Variants in CFAP69 observed in about 807,000 individuals in gnomAD.
CFAP69 encodes the protein cilia and flagella associated protein 69.
In CFAP69, 92 loss-of-function variants were observed where a neutral mutation model predicts 123.0. The ratio of observed to expected loss-of-function variants is 0.75; its 90% CI spans 0.63 to 0.89. The LOEUF is 0.89. Ranked by LOEUF, CFAP69 falls within the 40% of genes least tolerant of loss-of-function variation. The pLI is 0.00. For missense variants in CFAP69, 1,067 were observed against 1,096.9 expected (o/e 0.97, Z 0.39); for synonymous variants, 380 against 364.3 (o/e 1.04, Z -0.49).
At chr7:90,259,400 C>A (rs1798026267) in intron 3 of CFAP69, among the ~76,000 whole-genome samples, 1 of 152,174 alleles carries the variant, frequency 6.6e-6, no homozygotes, top group Admixed American at 6.5e-5. Context: ...CTGAGTGAGA[C>A]CCTGTCTCAA....
chr7:90,260,499 C>T (rs1798176145), intron 3 of CFAP69, among the ~76,000 whole-genome samples: 1 of 152,012 alleles, frequency 6.6e-6, no homozygotes, highest in East Asian at 1.9e-4. Flanking sequence ...GTACTCCAAC[C>T]TGGGTATGGG....
At chr7:90,251,512 T>C (rs1796999522) in intron 1 of CFAP69, among the ~76,000 whole-genome samples, 1 of 152,208 alleles carries the variant, frequency 6.6e-6, no homozygotes, top group Non-Finnish European at 1.5e-5. Context: ...TCACATATAG[T>C]CTGACCAGTT....
intron 1 of CFAP69, 133 bp from the exon 2 acceptor site, chr7:90,255,290 C>T (rs1273833982): frequency 1.7e-6 from 1 of 584,490 alleles, no homozygotes; most frequent in Non-Finnish European, 3.0e-6. Flanking sequence ...ACTGTTCATT[C>T]TCCCCTTACT....
chr7:90,245,202 G>A lies in CFAP69; in HGVS notation c.-223G>A. Reference sequence around the variant, plus strand: ...AACGCGCTGGCTTGTGTTAACAACCGGCCCGGGATCAGAGGTCTGGGTCAA... The same window carrying A: ...AACGCGCTGGCTTGTGTTAACAACCAGCCCGGGATCAGAGGTCTGGGTCAA... On this transcript the variant is annotated 5_prime_UTR_variant, in exon 1 of 23. Transcript: ENST00000389297. 1 of 470,688 alleles carries A rather than the reference G, an allele frequency of 2.1e-6. No individual in the cohort carries two copies. The highest frequency in any genetic ancestry group is 3.5e-6 in the Non-Finnish European group (1 of 287,378). The allele number at this position is 470,688 out of a possible 1,614,324, so 29.2% of individuals were successfully genotyped here. A position where few individuals can be genotyped will look rare whatever the true frequency, so the allele number is the denominator to read the frequency against.
intron 20 of CFAP69, 117 bp from the exon 21 acceptor site, chr7:90,307,651 C>T: frequency 1.7e-6 from 1 of 573,006 alleles, no homozygotes; most frequent in South Asian, 2.5e-5. Flanking sequence ...TTTTAAAAGG[C>T]AGAGAGATAC....
intron 2 of CFAP69, among the ~76,000 whole-genome samples, chr7:90,257,509 C>T (rs1366690626): frequency 1.3e-5 from 2 of 152,114 alleles, no homozygotes; most frequent in Non-Finnish European, 2.9e-5. Context: ...TTTAGTCACC[C>T]TACTTTGCTA....
Position 90,310,139 on chromosome 7 carries a change from G to C in CFAP69, c.2727G>C (p.Thr909=). 6.2e-7 allele frequency: 1 copy of C among 1,613,882 alleles called. No homozygotes were observed. Among genetic ancestry groups the C allele is most frequent in the Non-Finnish European group, 8.5e-7 (1 of 1,179,862 alleles). Reference sequence around the variant, plus strand: ...TAGTAGGAGGACCTCTGGTTGATACGGATATTGCTCTTAAAAAACTGCCCA... The same window carrying C: ...TAGTAGGAGGACCTCTGGTTGATACCGATATTGCTCTTAAAAAACTGCCCA... The part of the protein sequence containing the change: ...ARLVGGPLVD[T]DIALKKLPIR... Residue 909 remains threonine, a synonymous_variant, in exon 23 of 23, where the codon ACG becomes ACC. Transcript: ENST00000389297.
At chr7:90,316,613 A>G in the CFAP69 span, 1 of 152,218 alleles carries the variant, frequency 6.6e-6, no homozygotes, top group East Asian at 1.9e-4. Context: ...AATGATGAAC[A>G]GAAAGAAAAA....
At chr7:90,268,890 G>A (rs1445968164) in intron 6 of CFAP69, 1 of 152,660 alleles carries the variant, frequency 6.6e-6, no homozygotes, top group Non-Finnish European at 1.5e-5. Context: ...AGGATATAAT[G>A]TTAAGATGTA....
Position 90,283,054 on chromosome 7 carries a change from T to C in CFAP69, c.1535T>C (p.Ile512Thr), listed in dbSNP as rs773317521. Residue 512 changes from isoleucine (I) to threonine (T), a missense_variant and splice_region_variant, in exon 13 of 23, where the codon ATA becomes ACA. Coordinates refer to ENST00000389297, the MANE Select transcript of CFAP69 (RefSeq NM_001039706.3). The stretch of plus-strand genomic sequence containing the variant: ...GAAAAGGGAACAATTCAGCAAATGA[T>C]AGGTAAAATATAACATGGTGGTTTA... ...LCEKGTIQQM[I>T]GIFKNIISKP... The C allele has an allele frequency of 1.1e-5, 17 of 1,543,974 alleles. 2 individuals are homozygous for C. In the South Asian group the frequency reaches 1.9e-4, roughly 18 times the overall value.
intron 13 of CFAP69, among the ~76,000 whole-genome samples, chr7:90,285,830 A>G (rs1456882839): frequency 6.6e-6 from 1 of 152,208 alleles, no homozygotes; most frequent in Non-Finnish European, 1.5e-5. Context: ...GGCATCCTTT[A>G]ATGACATACT....
intron 19 of CFAP69, among the ~76,000 whole-genome samples, 188 bp downstream of exon 19, chr7:90,305,008 G>A (rs566434509): frequency 2.0e-5 from 3 of 152,164 alleles, no homozygotes; most frequent in South Asian, 4.1e-4. Context: ...TTTTTCATGG[G>A]ATAAGATTTC....
At chr7:90,267,962 G>T (rs942428728) in intron 5 of CFAP69, among the ~76,000 whole-genome samples, 8 of 152,224 alleles carry the variant, frequency 5.3e-5, no homozygotes, top group African/African-American at 1.9e-4. Flanking sequence ...AGTTTACATG[G>T]GTAGTAAATG....
intron 6 of CFAP69, 51 bp from the exon 7 acceptor site, chr7:90,271,475 A>T (rs1374036278): frequency 3.3e-6 from 5 of 1,523,446 alleles, no homozygotes; most frequent in Non-Finnish European, 4.4e-6. Flanking sequence ...TTTTGTCTTA[A>T]TGATCATTCT....
chr7:90,273,584 A>G (rs1800278874), intron 8 of CFAP69, among the ~76,000 whole-genome samples: 1 of 152,212 alleles, frequency 6.6e-6, no homozygotes, highest in South Asian at 2.1e-4. Flanking sequence ...GTTGATAGAC[A>G]TTCAGGAAGT....
chr7:90,298,183 TC>T (rs1792273147), intron 16 of CFAP69, among the ~76,000 whole-genome samples: 1 of 152,178 alleles, frequency 6.6e-6, no homozygotes, highest in Non-Finnish European at 1.5e-5. Flanking sequence ...TCTAGTTTCT[TC>T]CCCTGATATT....
At position 90,271,932 on chromosome 7, in the gene CFAP69, A is replaced by G; in HGVS notation, c.834A>G (p.Gln278=). The G allele has an allele frequency of 6.2e-7, 1 of 1,612,660 alleles. No homozygotes were observed. The highest frequency in any genetic ancestry group is 8.5e-7 in the Non-Finnish European group (1 of 1,179,344). Residue 278 remains glutamine, a synonymous_variant, in exon 8 of 23, where the codon CAA becomes CAG. Coordinates refer to ENST00000389297, the MANE Select transcript of CFAP69 (RefSeq NM_001039706.3). ...AATCTTCAAAAGAAGAAGTCATACA[A>G]CAGCTTAGTAACTTGGAATGTTTGC... is the stretch of plus-strand genomic sequence containing the variant. ...LEKSSKEEVI[Q]QLSNLECLLA... is the part of the protein sequence containing the mutation.
chr7:90,245,508 G>A lies in CFAP69; in HGVS notation c.84G>A (p.Pro28=), dbSNP rs1174302824. 2.6e-6 allele frequency: 4 copies of A among 1,528,954 alleles called. No individual in the cohort carries two copies. Among genetic ancestry groups the A allele is most frequent in the African/African-American group, 1.4e-5 (1 of 69,300 alleles). The allele number at this position is 1,528,954 out of a possible 1,614,324, so 94.7% of individuals were successfully genotyped here. ...RNKSSSSSQI[P]VVGVVTEDDE... ...AGTCTAGCAGTTCCAGTCAAATCCC[G>A]GTGGTTGGGGTGGTGACGGAGGACG... Residue 28 remains proline (P), a synonymous_variant, in exon 1 of 23, where the codon CCG becomes CCA. Coordinates refer to ENST00000389297, the MANE Select transcript of CFAP69 (RefSeq NM_001039706.3).
chr7:90,323,509 G>A, the CFAP69 span, among the ~76,000 whole-genome samples: 1 of 151,910 alleles, frequency 6.6e-6, no homozygotes, highest in African/African-American at 2.4e-5. Context: ...AAATATGTAT[G>A]GTAAAATTTC....
Sources: allele counts gnomAD v4.1 joint callset (sites outside exome capture counted in the v4.1 genomes callset), GRCh38; gene constraint gnomAD v4.1.1; transcripts MANE v1.5; gene names NCBI Gene and HGNC (gene_info 2026-07-23, HGNC 2026-07-21).